Variants in HSH2D observed in about 807,000 individuals in gnomAD.
HSH2D encodes hematopoietic SH2 domain containing.
Under a neutral mutation model 21.5 loss-of-function variants are expected in HSH2D, and 16 were observed. The ratio of observed to expected loss-of-function variants is 0.74; its 90% CI spans 0.50 to 1.13. The LOEUF (loss-of-function observed/expected upper bound fraction) is 1.13. HSH2D is among the 50% of genes most tolerant of loss of function. The pLI is 0.00. For synonymous variants in HSH2D, 172 were observed against 184.7 expected, an observed-to-expected ratio of 0.93 and a Z score of 0.56; for missense variants, 418 against 441.4, an observed-to-expected ratio of 0.95 and a Z score of 0.47.
chr19:16,142,179 C>T (rs1304797370), upstream of HSH2D: 1 of 151,890 alleles, frequency 6.6e-6, no homozygotes, highest in Non-Finnish European at 1.5e-5. Context: ...AGACCCCAGC[C>T]TGTCCAGGCT....
rs760016800 is a variant in HSH2D at position 16,157,613 on chromosome 19, C to G, written c.878C>G (p.Ala293Gly). ...GACAGAAAGGTCCCCACCAGGAAGGCCGAGAGGTCGGTCAGCTGCATTGAG... is the reference window on the plus strand; with the variant it reads ...GACAGAAAGGTCCCCACCAGGAAGGGCGAGAGGTCGGTCAGCTGCATTGAG... ...PKDRKVPTRK[A>G]ERSVSCIEVT... The change falls in exon 6 of 6, where the codon GCC (alanine) becomes GGC (glycine). Residue 293 changes from alanine (A) to glycine (G), a missense_variant. Coordinates refer to ENST00000613986, the MANE Select transcript of HSH2D (RefSeq NM_001382417.1). This position sits in a 1 kb window ranked among gnomAD's most constrained non-coding sequence, Gnocchi z 4.4. 1.2e-5 allele frequency: 20 copies of G among 1,613,758 alleles called. No individual in the cohort carries two copies. The African/African-American group carries it at 2.4e-4, about 19-fold the overall frequency.
upstream of HSH2D, among the ~76,000 whole-genome samples, chr19:16,140,576 GC>G (rs539391393): frequency 2.7e-3 from 407 of 152,208 alleles, 1 homozygote; most frequent in African/African-American, 9.0e-3. Flanking sequence ...CTGTACTCCA[GC>G]CGGGGCGATA....
intron 4 of HSH2D, among the ~76,000 whole-genome samples, chr19:16,153,582 G>C (rs2145054595): frequency 6.6e-6 from 1 of 150,922 alleles, no homozygotes; most frequent in Middle Eastern, 3.4e-3. Context: ...ATAAACTGCT[G>C]TGGGTGGAGC....
At chr19:16,151,943 TA>T (rs35017472) in intron 2 of HSH2D, among the ~76,000 whole-genome samples, 1,239 of 109,526 alleles carry the variant, frequency 0.011, 64 homozygotes, top group Admixed American at 0.088. Context: ...CTGTCTCTAC[TA>T]AAAAAAAAAA....
At chr19:16,151,680 G>A (rs1024972487) in intron 2 of HSH2D, 7 of 442,906 alleles carry the variant, frequency 1.6e-5, no homozygotes, top group African/African-American at 1.2e-4. Context: ...AGGAGGTCTG[G>A]CCTGAGATCA....
intron 1 of HSH2D, among the ~76,000 whole-genome samples, chr19:16,144,977 C>A (rs1318007454): frequency 6.6e-6 from 1 of 151,164 alleles, no homozygotes; most frequent in Admixed American, 6.6e-5. Context: ...CAGGCATGAG[C>A]CACCGCACCT....
intron 2 of HSH2D, among the ~76,000 whole-genome samples, chr19:16,150,198 C>T (rs973660090): frequency 3.3e-5 from 5 of 152,088 alleles, no homozygotes. Flanking sequence ...TCGCTTGAGC[C>T]CAGGAGTTCA....
rs1338286450 is a variant in HSH2D, at chr19:16,135,658, C to G, written c.-324+1423C>G. Among the ~76,000 whole-genome samples the G allele has an allele frequency of 2.0e-5, 3 of 152,320 alleles. No individual in the cohort carries two copies. The East Asian group carries it at 5.8e-4, about 29-fold the overall frequency. Reference sequence around the variant, plus strand: ...CCAGGGCCTTTGCACTTGCCACACCCTAGTCTTGTAGTCTCCTGAAATGTG... The same window carrying G: ...CCAGGGCCTTTGCACTTGCCACACCGTAGTCTTGTAGTCTCCTGAAATGTG... On this transcript the variant is annotated intron_variant, in intron 1 of 7. Transcript: ENST00000616645.
At chr19:16,141,479 C>G (rs925403283), upstream of HSH2D, among the ~76,000 whole-genome samples, 3 of 152,204 alleles carry the variant, frequency 2.0e-5, no homozygotes, top group African/African-American at 7.2e-5. Flanking sequence ...GCACACAGGG[C>G]CTGCACCCAG....
In HSH2D at chr19:16,152,877, C is replaced by T. The variant is rs968446860; in HGVS notation, c.216-166C>T. Reference sequence around the variant, plus strand: ...ATAAATGGGGGAAACTGAGGCACAGCGAGGTTAGTAACCTGCTGGGTGTTG... The same window carrying T: ...ATAAATGGGGGAAACTGAGGCACAGTGAGGTTAGTAACCTGCTGGGTGTTG... On this transcript the variant is annotated intron_variant, in intron 3 of 5. Coordinates refer to ENST00000613986, the MANE Select transcript of HSH2D (RefSeq NM_001382417.1). 46 of 849,436 alleles carry T rather than the reference C, an allele frequency of 5.4e-5. No individual in the cohort carries two copies. In the Admixed American group the frequency reaches 8.8e-4, roughly 16 times the overall value. The allele number at this position is 849,436 out of a possible 1,614,324, so 52.6% of individuals were successfully genotyped here.
intron 2 of HSH2D, among the ~76,000 whole-genome samples, chr19:16,149,901 C>T (rs562589186): frequency 2.0e-5 from 3 of 152,210 alleles, no homozygotes; most frequent in South Asian, 4.1e-4. Context: ...CTTTCTACCT[C>T]AGACTGTGAG....
At position 16,148,871 on chromosome 19, in the gene HSH2D, A is replaced by G. The variant is rs779919784; in HGVS notation, c.121A>G (p.Arg41Gly). 2 of 1,612,196 alleles carry G rather than the reference A, an allele frequency of 1.2e-6. No individual in the cohort carries two copies. The highest frequency in any genetic ancestry group is 1.7e-6 in the Non-Finnish European group (2 of 1,178,982). The change falls in exon 2 of 6, where the codon AGA becomes GGA. Residue 41 changes from arginine to glycine, a missense_variant. Arg to Gly is a moderately radical substitution (Grantham distance 125). Transcript: ENST00000613986. ...VPEWFHGAIS[R>G]EDAENLLESQ... ...CGAGTGGTTCCATGGTGCAATCTCA[A>G]GAGAGTGAGGACACACCCACACCCT...
At position 16,152,510 on chromosome 19, in the gene HSH2D, C is replaced by T. The variant is rs115528976; in HGVS notation, c.126-42C>T. ...CCAGGAGTCTAACTGGTACGTGGGG[C>T]GGCTGGACTGTTTCATTTCCTTTCT... On this transcript the variant is annotated intron_variant, in intron 2 of 5. Coordinates refer to ENST00000613986, the MANE Select transcript of HSH2D (RefSeq NM_001382417.1). The T allele has an allele frequency of 3.7e-3, 4,764 of 1,290,958 alleles. 149 individuals carry two copies. In the African/African-American group the frequency reaches 0.061, roughly 17 times the overall value. The allele number at this position is 1,290,958 out of a possible 1,614,324, so 80.0% of individuals were successfully genotyped here.
chr19:16,136,259 C>T (rs1033512975), intron 1 of HSH2D, among the ~76,000 whole-genome samples: 20 of 152,176 alleles, frequency 1.3e-4, no homozygotes, highest in African/African-American at 1.9e-4. Flanking sequence ...TTTCTTTCCA[C>T]GAAACTTTGC....
intron 4 of HSH2D, 54 bp downstream of exon 4, chr19:16,153,262 C>A: frequency 1.4e-6 from 2 of 1,433,732 alleles, no homozygotes; most frequent in Non-Finnish European, 1.8e-6. Context: ...CCAAGCCCCC[C>A]AGACCCCTTT....
intron 1 of HSH2D, among the ~76,000 whole-genome samples, chr19:16,137,885 A>G (rs1031041017): frequency 2.6e-5 from 4 of 151,990 alleles, no homozygotes; most frequent in African/African-American, 4.8e-5. Context: ...TGTTATTACT[A>G]TGACCACCAT....
intron 2 of HSH2D, among the ~76,000 whole-genome samples, chr19:16,150,693 A>T (rs947620617): frequency 3.0e-5 from 1 of 32,952 alleles, no homozygotes. Context: ...CTCAAAAAAA[A>T]AAAAAAATTA....
intron 1 of HSH2D, among the ~76,000 whole-genome samples, chr19:16,135,018 C>T (rs528814397): frequency 6.6e-6 from 1 of 151,654 alleles, no homozygotes; most frequent in South Asian, 2.1e-4. Context: ...TGCCTCATCC[C>T]AGCACTTTGG....
chr19:16,151,692 G>C (rs2145047272), intron 2 of HSH2D: 1 of 422,130 alleles, frequency 2.4e-6, no homozygotes, highest in Middle Eastern at 4.0e-4. Context: ...CTGAGATCAA[G>C]GTCATCAGAC....
Sources: gnomAD v4.1 joint callset for allele counts (sites outside exome capture counted in the v4.1 genomes callset) on GRCh38, gnomAD v4.1.1 for gene constraint, Gnocchi (gnomAD v3.1) non-coding constraint, MANE v1.5 for transcripts, NCBI Gene and HGNC (gene_info 2026-07-23, HGNC 2026-07-21) for gene names.